ERI1: variants seen among roughly 807,000 people sequenced by gnomAD.
The protein encoded by ERI1 is exoribonuclease 1, also known as 3'-5' exoribonuclease 1.
Under a neutral mutation model 39.7 loss-of-function variants are expected in ERI1, and 39 were observed. That is an observed-to-expected ratio of 0.98 (90% CI 0.76 to 1.28). ERI1 has a LOEUF of 1.28. Among genes scored for constraint, ERI1 ranks in the 50% most tolerant of loss-of-function variants. The pLI is 0.00. For synonymous variants in ERI1, 204 were observed against 149.6 expected, an observed-to-expected ratio of 1.36 and a Z score of -2.65; for missense variants, 581 against 416.9, an observed-to-expected ratio of 1.39 and a Z score of -3.43.
chr8:9,067,765 T>A (rs1798927325), intron 3 of ERI1, among the ~76,000 whole-genome samples: 1 of 152,038 alleles, frequency 6.6e-6, no homozygotes, highest in Middle Eastern at 3.2e-3. Flanking sequence ...CGGTATTAAC[T>A]GAATGATTTC....
intron 3 of ERI1, among the ~76,000 whole-genome samples, chr8:9,070,041 C>T (rs1316258584): frequency 6.6e-6 from 1 of 152,068 alleles, no homozygotes; most frequent in Non-Finnish European, 1.5e-5. Flanking sequence ...GAGTTTGAGA[C>T]TAGCCTGGTT....
At chr8:9,066,256 C>G (rs1430798608) in intron 3 of ERI1, among the ~76,000 whole-genome samples, 1 of 152,206 alleles carries the variant, frequency 6.6e-6, no homozygotes. Flanking sequence ...GCAGGGGCAT[C>G]TCTTCCCCTT....
At chr8:9,084,545 A>T (rs1799467116) in intron 3 of ERI1, among the ~76,000 whole-genome samples, 1 of 152,092 alleles carries the variant, frequency 6.6e-6, no homozygotes, top group Non-Finnish European at 1.5e-5. Flanking sequence ...CAGACACTCA[A>T]CTTCAGTTTG....
intron 3 of ERI1, among the ~76,000 whole-genome samples, chr8:9,051,641 C>T (rs562359250): frequency 1.6e-3 from 239 of 147,616 alleles, no homozygotes; most frequent in African/African-American, 5.8e-3. Flanking sequence ...TGGGTGACAG[C>T]GCTGAGACCC....
At chr8:9,065,911 T>G (rs1240282608) in intron 3 of ERI1, among the ~76,000 whole-genome samples, 2 of 152,192 alleles carry the variant, frequency 1.3e-5, no homozygotes, top group African/African-American at 4.8e-5. Flanking sequence ...CAGGTGGCGC[T>G]GTCGGCAGTG....
In ERI1 at chr8:9,090,118, A is replaced by G. The variant is rs146291228; in HGVS notation, n.300-26230A>G. ...GAGACACAGACAGGCACCAAGAGCC[A>G]GTAATGAAAATCCCACCTTCTCCTT... On this transcript the variant is annotated intron_variant and non_coding_transcript_variant, in intron 3 of 3. Coordinates refer to the ERI1 transcript ENST00000518663. Among the ~76,000 whole-genome samples, 545 of 152,294 alleles carry G rather than the reference A, an allele frequency of 3.6e-3. 2 individuals carry two copies. The highest frequency in any genetic ancestry group is 0.013 in the African/African-American group (520 of 41,556).
chr8:9,016,444 G>T, intron 4 of ERI1, 39 bp downstream of exon 4: 1 of 1,304,840 alleles, frequency 7.7e-7, no homozygotes, highest in African/African-American at 1.5e-5. Flanking sequence ...GTTTGAAAGA[G>T]TTCTTGAAAT....
chr8:9,041,923 G>A (rs560081582), intron 3 of ERI1, among the ~76,000 whole-genome samples: 4 of 152,218 alleles, frequency 2.6e-5, no homozygotes, highest in South Asian at 2.1e-4. Flanking sequence ...TAGTAGAGAC[G>A]TGGTTTCACC....
Position 9,008,054 on chromosome 8 carries a change from G to C in ERI1, c.193G>C (p.Val65Leu). The stretch of plus-strand genomic sequence containing the variant: ...CAGTGCGAGTGACTTCAGTGACCCG[G>C]TTTACAAAGAGATTGCCATTACGAA... ...TSSASDFSDP[V>L]YKEIAITNGC... The change falls in exon 2 of 7, where the codon GTT becomes CTT. Residue 65 changes from valine (V) to leucine (L), a missense_variant. Val to Leu is a conservative substitution (Grantham distance 32). Transcript: ENST00000250263. The C allele has an allele frequency of 6.2e-7, 1 of 1,604,794 alleles. No homozygotes were observed. The highest frequency in any genetic ancestry group is 8.5e-7 in the Non-Finnish European group (1 of 1,177,998).
At chr8:9,064,904 G>C (rs1798825981) in intron 3 of ERI1, among the ~76,000 whole-genome samples, 2 of 152,166 alleles carry the variant, frequency 1.3e-5, no homozygotes, top group Non-Finnish European at 2.9e-5. Context: ...TCAGCGAAGG[G>C]AGACAGGGGT....
chr8:9,084,254 T>C (rs1585295288), intron 3 of ERI1, among the ~76,000 whole-genome samples: 1 of 152,106 alleles, frequency 6.6e-6, no homozygotes, highest in Admixed American at 6.6e-5. Context: ...AACAGTGAGA[T>C]TGAGACCCTG....
At chr8:9,065,766 T>C (rs1798853965) in intron 3 of ERI1, among the ~76,000 whole-genome samples, 1 of 149,568 alleles carries the variant, frequency 6.7e-6, no homozygotes, top group Non-Finnish European at 1.5e-5. Context: ...TAAAAAATAC[T>C]AACAAATCTC....
intron 3 of ERI1, among the ~76,000 whole-genome samples, chr8:9,079,552 C>CT (rs1476089127): frequency 6.6e-6 from 1 of 152,210 alleles, no homozygotes; most frequent in African/African-American, 2.4e-5. Flanking sequence ...CTGTGTCGAT[C>CT]TAAAAGAAAG....
intron 3 of ERI1, among the ~76,000 whole-genome samples, chr8:9,085,734 GAGGAGTCAATAAGAATTAAAC>G (rs1370313281): frequency 6.6e-6 from 1 of 151,978 alleles, no homozygotes; most frequent in African/African-American, 2.4e-5. Context: ...AAAGTTAGAG[GAGGAGTCAATAAGAATTAAAC>G]AGGAATATGT....
chr8:9,003,920 G>A (rs13252797), intron 1 of ERI1, among the ~76,000 whole-genome samples: 65,820 of 152,096 alleles, frequency 0.43, 15,181 homozygotes, highest in African/African-American at 0.51. Flanking sequence ...TCCGTCCACA[G>A]TCAGTTTCCA....
intron 3 of ERI1, among the ~76,000 whole-genome samples, chr8:9,040,487 A>G (rs909345935): frequency 2.0e-5 from 3 of 152,182 alleles, no homozygotes; most frequent in African/African-American, 7.2e-5. Flanking sequence ...GAACGGAAGA[A>G]ATAGTGTGGA....
At chr8:9,050,043 T>G (rs1414203112) in intron 3 of ERI1, among the ~76,000 whole-genome samples, 1 of 152,132 alleles carries the variant, frequency 6.6e-6, no homozygotes, top group Non-Finnish European at 1.5e-5. Context: ...ATTAACCTGT[T>G]TAACCTTCGG....
intron 3 of ERI1, among the ~76,000 whole-genome samples, chr8:9,066,244 T>C (rs1378514385): frequency 6.6e-6 from 1 of 152,192 alleles, no homozygotes; most frequent in African/African-American, 2.4e-5. Context: ...GGGTTCCCAC[T>C]AGCAGGGGCA....
At chr8:9,009,225 G>A (rs1257339062) in intron 2 of ERI1, 1 of 349,810 alleles carries the variant, frequency 2.9e-6, no homozygotes, top group Non-Finnish European at 5.6e-6. Context: ...ATACAGATAT[G>A]TTCCCCACTT....
Sources: gnomAD v4.1 joint callset for allele counts (sites outside exome capture counted in the v4.1 genomes callset) on GRCh38, gnomAD v4.1.1 for gene constraint, MANE v1.5 for transcripts, NCBI Gene and HGNC (gene_info 2026-07-23, HGNC 2026-07-21) for gene names.